Variants in FNBP1 observed in about 807,000 individuals in gnomAD.
FNBP1 encodes the protein formin binding protein 1.
A neutral mutation model predicts 90.6 loss-of-function variants in FNBP1; 26 were observed. The observed-to-expected ratio is 0.29, with a 90% CI of 0.21 to 0.40. FNBP1 has a LOEUF of 0.40. FNBP1 is among the 10% of genes least tolerant of loss of function. FNBP1 has a pLI of 1.00. For missense variants in FNBP1, 635 were observed against 768.0 expected, an observed-to-expected ratio of 0.83 and a Z score of 2.05; for synonymous variants, 260 against 265.2, an observed-to-expected ratio of 0.98 and a Z score of 0.19.
rs531586214 is a variant in FNBP1 at position 129,924,063 on chromosome 9, T to C, written c.988-37A>G. ...AGATGGAGCCGTGACAGAGTAAAAA[T>C]CAGAAACAAGAAGACACAAAACAAA... On this transcript the variant is annotated intron_variant, in intron 9 of 16. Transcript: ENST00000446176. The C allele has an allele frequency of 3.4e-6, 5 of 1,477,764 alleles. No homozygotes were observed. In the East Asian group the frequency reaches 1.1e-4, roughly 33 times the overall value. The allele number at this position is 1,477,764 out of a possible 1,614,324, so 91.5% of individuals were successfully genotyped here. A position where few individuals can be genotyped will look rare whatever the true frequency, so the allele number is the denominator to read the frequency against.
chr9:130,049,512 T>C, the FNBP1 span, among the ~76,000 whole-genome samples: 2 of 152,012 alleles, frequency 1.3e-5, no homozygotes, highest in Non-Finnish European at 2.9e-5. Context: ...CCAGGAGATT[T>C]AGACCAGCCT....
intron 10 of FNBP1, among the ~76,000 whole-genome samples, chr9:129,918,447 G>A (rs906713104): frequency 2.0e-5 from 3 of 152,176 alleles, no homozygotes; most frequent in Non-Finnish European, 2.9e-5. Flanking sequence ...AGTTTCAGGC[G>A]ACAGTTAAAG....
intron 4 of FNBP1, among the ~76,000 whole-genome samples, chr9:129,965,280 A>C (rs142650307): frequency 2.4e-4 from 37 of 152,298 alleles, no homozygotes; most frequent in Admixed American, 6.5e-4. Context: ...AGCAAGGCTT[A>C]TTTTTCCAAG....
At chr9:130,034,259 G>A (rs1458959108) in intron 1 of FNBP1, among the ~76,000 whole-genome samples, 2 of 150,050 alleles carry the variant, frequency 1.3e-5, no homozygotes, top group Admixed American at 6.7e-5. Context: ...ATTGCAGTGA[G>A]CTGAGATCAC....
the FNBP1 span, among the ~76,000 whole-genome samples, chr9:130,050,608 T>A: frequency 6.6e-6 from 1 of 152,028 alleles, no homozygotes; most frequent in African/African-American, 2.4e-5. Context: ...TTTCCTATAC[T>A]GTCTTAACAG....
chr9:130,033,121 TATA>T (rs2058953497), intron 1 of FNBP1, among the ~76,000 whole-genome samples: 1 of 152,160 alleles, frequency 6.6e-6, no homozygotes, highest in South Asian at 2.1e-4. Flanking sequence ...TCCCCATGAT[TATA>T]ATAATTTGTG....
intron 6 of FNBP1, among the ~76,000 whole-genome samples, chr9:129,945,634 C>T (rs565339130): frequency 1.2e-3 from 178 of 152,312 alleles, no homozygotes; most frequent in South Asian, 2.7e-3. Flanking sequence ...CACTCTGCTA[C>T]GCAGCTGGCT....
At chr9:130,007,952 C>T (rs1231313807) in intron 1 of FNBP1, among the ~76,000 whole-genome samples, 6 of 145,922 alleles carry the variant, frequency 4.1e-5, no homozygotes, top group Admixed American at 1.4e-4. Context: ...GAGCCAAGAT[C>T]GCACCACTGC....
chr9:129,925,564 T>C (rs1318511021), intron 8 of FNBP1, among the ~76,000 whole-genome samples: 1 of 147,708 alleles, frequency 6.8e-6, no homozygotes, highest in African/African-American at 2.5e-5. Flanking sequence ...ATTGTACTGA[T>C]TGATAATAAC....
chr9:130,052,183 G>T, the FNBP1 span, among the ~76,000 whole-genome samples: 62 of 152,154 alleles, frequency 4.1e-4, no homozygotes, highest in African/African-American at 1.3e-3. Flanking sequence ...CCAAAATAAT[G>T]ACTGGCACAA....
At chr9:129,914,533 C>T (rs2039909828) in intron 11 of FNBP1, among the ~76,000 whole-genome samples, 3 of 151,736 alleles carry the variant, frequency 2.0e-5, no homozygotes, top group Non-Finnish European at 4.4e-5. Context: ...GTCAATAGAT[C>T]CAGTTTCTCC....
chr9:130,021,196 G>T (rs1589310768), intron 1 of FNBP1, among the ~76,000 whole-genome samples: 1 of 152,152 alleles, frequency 6.6e-6, no homozygotes, highest in East Asian at 1.9e-4. Context: ...CTTAAGGACA[G>T]TTGTCAAGCC....
At chr9:129,935,975 G>A (rs1276521647) in intron 6 of FNBP1, among the ~76,000 whole-genome samples, 1 of 151,972 alleles carries the variant, frequency 6.6e-6, no homozygotes, top group Non-Finnish European at 1.5e-5. Flanking sequence ...ATAGGTTGGT[G>A]CAAAAGTAAT....
intron 10 of FNBP1, among the ~76,000 whole-genome samples, chr9:129,922,747 C>T (rs531299599): frequency 2.0e-5 from 3 of 152,204 alleles, no homozygotes; most frequent in South Asian, 2.1e-4. Flanking sequence ...GACTCTTCTC[C>T]TTTCGACCCT....
intron 2 of FNBP1, among the ~76,000 whole-genome samples, chr9:129,982,704 C>T (rs979673732): frequency 5.3e-5 from 8 of 151,972 alleles, no homozygotes; most frequent in South Asian, 2.1e-4. Context: ...TTCTGTCACC[C>T]GGACTAGAGT....
rs80156273 is a variant in FNBP1 at position 130,018,389 on chromosome 9, G to C, written c.25-23431C>G. On this transcript the variant is annotated intron_variant, in intron 1 of 16. Transcript: ENST00000446176. ...TACCGATGAGGAAACTAACATAGCA[G>C]TGAAGTGACTTCACCCCTACTAGTA... 8.1e-4 allele frequency among the ~76,000 whole-genome samples: 123 copies of C among 152,156 alleles called. 1 individual carries two copies. In the East Asian group the frequency reaches 0.019, roughly 23 times the overall value.
intron 6 of FNBP1, among the ~76,000 whole-genome samples, chr9:129,946,381 C>T (rs1235346999): frequency 3.9e-5 from 6 of 152,152 alleles, no homozygotes; most frequent in Admixed American, 2.0e-4. Flanking sequence ...GAAACTGATA[C>T]ACTGTTCAGT....
At chr9:129,976,513 G>A (rs983143563) in intron 4 of FNBP1, among the ~76,000 whole-genome samples, 1 of 152,134 alleles carries the variant, frequency 6.6e-6, no homozygotes, top group Non-Finnish European at 1.5e-5. Context: ...ACCTATCCAA[G>A]GCCATATGCT....
At chr9:129,924,588 C>G (rs1303395756) in intron 9 of FNBP1, among the ~76,000 whole-genome samples, 2 of 152,152 alleles carry the variant, frequency 1.3e-5, no homozygotes, top group East Asian at 3.8e-4. Context: ...AAGTTATTAA[C>G]ATGGTAACGA....
Sources: allele counts gnomAD v4.1 joint callset (sites outside exome capture counted in the v4.1 genomes callset), GRCh38; gene constraint gnomAD v4.1.1; transcripts MANE v1.5; gene names NCBI Gene and HGNC (gene_info 2026-07-23, HGNC 2026-07-21).